PAPOLG: variants seen among roughly 807,000 people sequenced by gnomAD.
PAPOLG encodes the protein poly(A) polymerase gamma.
PAPOLG carries 40 observed loss-of-function variants against 99.0 expected under a neutral mutation model. The observed-to-expected ratio is 0.40, with a 90% CI of 0.31 to 0.53. The LOEUF is 0.53. Among genes scored for constraint, PAPOLG ranks in the 20% least tolerant of loss-of-function variants. The probability of loss-of-function intolerance (pLI) is 0.41; values close to 1 mark genes in which losing one functional copy is unlikely to be tolerated. For missense variants in PAPOLG, 675 were observed against 884.1 expected, an observed-to-expected ratio of 0.76 and a Z score of 3.00; for synonymous variants, 310 against 299.3, an observed-to-expected ratio of 1.04 and a Z score of -0.37.
intron 6 of PAPOLG, 78 bp downstream of exon 6, chr2:60,770,589 C>T: frequency 3.6e-6 from 3 of 837,396 alleles, no homozygotes; most frequent in Non-Finnish European, 3.6e-6. Context: ...TCAGGCTTAA[C>T]ATAAATGCAT....
At chr2:60,784,123 C>A (rs1671285993) in intron 13 of PAPOLG, among the ~76,000 whole-genome samples, 1 of 152,154 alleles carries the variant, frequency 6.6e-6, no homozygotes, top group Non-Finnish European at 1.5e-5. Context: ...CAAGCACCCA[C>A]CACCACGCCC....
At chr2:60,764,346 T>C (rs1573220426) in intron 3 of PAPOLG, among the ~76,000 whole-genome samples, 1 of 152,240 alleles carries the variant, frequency 6.6e-6, no homozygotes, top group South Asian at 2.1e-4. Context: ...CAGTTGTCAG[T>C]GTGTCTAGCT....
In PAPOLG at chr2:60,787,036, C is replaced by A; in HGVS notation, c.1256C>A (p.Ser419Ter). 1 of 1,611,446 alleles carries A rather than the reference C, an allele frequency of 6.2e-7. No homozygotes were observed. Among genetic ancestry groups the A allele is most frequent in the South Asian group, 1.1e-5 (1 of 90,738 alleles). The change falls in exon 14 of 22, where the codon TCA becomes TAA. Residue 419 changes from serine to a stop codon, truncating the protein, a stop_gained. Transcript: ENST00000238714. LOFTEE classifies it high-confidence loss of function. ...ACTCTTGCCCATGTGAATCCCCAGT[C>A]ATTCCCAGGGAATAAGGAACATCAT... ...FITLAHVNPQ[S>*]FPGNKEHHKD...
At chr2:60,768,430 A>C in intron 3 of PAPOLG, 40 bp from the exon 4 acceptor site, 4 of 1,603,172 alleles carry the variant, frequency 2.5e-6, no homozygotes, top group African/African-American at 1.3e-5. Context: ...ATGCTAAATA[A>C]TTTGAATAAT....
rs1486102113 is a variant in PAPOLG, at chr2:60,792,270, T to A, written c.1660T>A (p.Ser554Thr). Reference sequence around the variant, plus strand: ...TCCAGCGTCCAAGTCTGATAGCCCTTCTGTAGGAGAAACAGAAAGGTCTGT... The same window carrying A: ...TCCAGCGTCCAAGTCTGATAGCCCTACTGTAGGAGAAACAGAAAGGTCTGT... ...NSPASKSDSP[S>T]VGETERNSAE... Residue 554 changes from serine to threonine, a missense_variant, in exon 17 of 22, where the codon TCT (serine) becomes ACT (threonine). Ser to Thr is a moderately conservative substitution (Grantham distance 58). Transcript: ENST00000238714. 9 of 1,604,752 alleles carry A rather than the reference T, an allele frequency of 5.6e-6. No homozygotes were observed. Among genetic ancestry groups the A allele is most frequent in the Non-Finnish European group, 8.5e-7 (1 of 1,177,630 alleles).
At chr2:60,783,500 C>CTTTTTTTTTTTTTTTTTTTTTTTTTT in intron 13 of PAPOLG, among the ~76,000 whole-genome samples, 1 of 45,362 alleles carries the variant, frequency 2.2e-5, no homozygotes, top group Non-Finnish European at 4.5e-5. Flanking sequence ...TTTACCCGGC[C>CTTTTTTTTTTTTTTTTTTTTTTTTTT]TTTTTTTTTT....
chr2:60,793,759 A>T, intron 18 of PAPOLG, 44 bp downstream of exon 18: 2 of 1,561,896 alleles, frequency 1.3e-6, no homozygotes, highest in Non-Finnish European at 1.7e-6. Flanking sequence ...TATTTACAAA[A>T]AATTAGCTAG....
intron 8 of PAPOLG, among the ~76,000 whole-genome samples, chr2:60,775,827 A>C (rs1670999545): frequency 6.6e-6 from 1 of 151,390 alleles, no homozygotes; most frequent in Non-Finnish European, 1.5e-5. Context: ...TGCAGTGGGC[A>C]ATCTTGGCTC....
At chr2:60,762,676 G>T (rs1573218222) in intron 3 of PAPOLG, among the ~76,000 whole-genome samples, 2 of 151,696 alleles carry the variant, frequency 1.3e-5, no homozygotes, top group East Asian at 3.9e-4. Flanking sequence ...GCCAAGGCTG[G>T]AATGCAGTGG....
chr2:60,795,082 A>G, intron 21 of PAPOLG, 62 bp downstream of exon 21: 4 of 1,391,930 alleles, frequency 2.9e-6, no homozygotes, highest in Non-Finnish European at 4.0e-6. Flanking sequence ...GTAATCTACA[A>G]GTACAAAAGG....
At chr2:60,758,818 CAATT>C in intron 1 of PAPOLG, among the ~76,000 whole-genome samples, 1 of 152,250 alleles carries the variant, frequency 6.6e-6, no homozygotes, top group African/African-American at 2.4e-5. Flanking sequence ...AATCCAAAAA[CAATT>C]AAACAATCTC....
rs781602914 is a variant in PAPOLG at position 60,780,749 on chromosome 2, C to T, written c.876C>T (p.Ser292=). ...NPVLLKQPEE[S]NLNLPVWDPR... ...TGCTGCTGAAGCAACCAGAAGAAAG[C>T]AATTTGAATTTGCCTGTCTGGGATC... The change falls in exon 10 of 22, where the codon AGC becomes AGT. Residue 292 remains serine (S), a synonymous_variant. Transcript: ENST00000238714. The T allele has an allele frequency of 4.3e-6, 7 of 1,613,984 alleles. No homozygotes were observed. Among genetic ancestry groups the T allele is most frequent in the Non-Finnish European group, 5.9e-6 (7 of 1,179,892 alleles).
chr2:60,789,569 A>G (rs771408890), intron 15 of PAPOLG, among the ~76,000 whole-genome samples: 1 of 152,124 alleles, frequency 6.6e-6, no homozygotes, highest in African/African-American at 2.4e-5. Context: ...AATAAATATC[A>G]GTAAGTACAG....
chr2:60,792,088 C>A, intron 16 of PAPOLG, 41 bp from the exon 17 acceptor site: 1 of 1,550,666 alleles, frequency 6.4e-7, no homozygotes, highest in South Asian at 1.2e-5. Flanking sequence ...TTTATATTGT[C>A]ATTTGCATTT....
intron 13 of PAPOLG, 62 bp downstream of exon 13, chr2:60,783,271 G>T: frequency 2.2e-6 from 2 of 919,632 alleles, no homozygotes; most frequent in Non-Finnish European, 3.2e-6. Context: ...TTTATATGGT[G>T]CTTTACCATT....
At position 60,781,982 on chromosome 2, in the gene PAPOLG, T is replaced by C. The variant is rs1000085285; in HGVS notation, c.1004T>C (p.Val335Ala). 2 of 1,613,884 alleles carry C rather than the reference T, an allele frequency of 1.2e-6. No individual in the cohort carries two copies. The highest frequency in any genetic ancestry group is 1.7e-6 in the Non-Finnish European group (2 of 1,179,876). The change falls in exon 11 of 22, where the codon GTA becomes GCA. Residue 335 changes from valine to alanine, a missense_variant. Transcript: ENST00000238714. ...AATGTGTCCACATCAACTCGAACAG[T>C]AATGGTAGAAGAATTTAAACAAGGT... is the stretch of plus-strand genomic sequence containing the variant. ...TYNVSTSTRT[V>A]MVEEFKQGLA...
intron 2 of PAPOLG, 113 bp from the exon 3 acceptor site, chr2:60,761,628 A>G (rs1390086461): frequency 1.1e-5 from 9 of 843,432 alleles, no homozygotes; most frequent in Non-Finnish European, 1.7e-5. Context: ...TATCACATAT[A>G]TGTTATGGTT....
At chr2:60,789,160 C>G (rs13017333) in intron 15 of PAPOLG, among the ~76,000 whole-genome samples, 34,903 of 151,252 alleles carry the variant, frequency 0.23, 4,613 homozygotes, top group African/African-American at 0.34. Flanking sequence ...GGGAACATCA[C>G]ACTCTGGGGA....
intron 3 of PAPOLG, among the ~76,000 whole-genome samples, chr2:60,766,960 T>A (rs2103769402): frequency 6.6e-6 from 1 of 152,276 alleles, no homozygotes; most frequent in African/African-American, 2.4e-5. Flanking sequence ...CAACTATATT[T>A]AATAGAGTAA....
Sources: allele counts gnomAD v4.1 joint callset (sites outside exome capture counted in the v4.1 genomes callset), GRCh38; gene constraint gnomAD v4.1.1; transcripts MANE v1.5; gene names NCBI Gene and HGNC (gene_info 2026-07-23, HGNC 2026-07-21).